The following MRTFA variants were observed in gnomAD, a reference collection of about 807,000 sequenced individuals.
MRTFA encodes myocardin related transcription factor A.
A neutral mutation model predicts 83.5 loss-of-function variants in MRTFA; 20 were observed. That is an observed-to-expected ratio of 0.24 (90% CI 0.17 to 0.35). The LOEUF is 0.35. Among genes scored for constraint, MRTFA ranks in the 10% least tolerant of loss-of-function variants. The pLI is 1.00. For synonymous variants in MRTFA, 659 were observed against 541.2 expected, an observed-to-expected ratio of 1.22 and a Z score of -3.02; for missense variants, 1,200 against 1,224.7, an observed-to-expected ratio of 0.98 and a Z score of 0.30.
At chr22:40,524,806 T>C (rs1489577655) in intron 3 of MRTFA, among the ~76,000 whole-genome samples, 1 of 152,218 alleles carries the variant, frequency 6.6e-6, no homozygotes, top group East Asian at 1.9e-4. Context: ...TTTTTGTGCG[T>C]GTGCGTGTGT....
At chr22:40,462,294 C>A (rs1420464553) in intron 4 of MRTFA, among the ~76,000 whole-genome samples, 1 of 152,122 alleles carries the variant, frequency 6.6e-6, no homozygotes, top group African/African-American at 2.4e-5. Context: ...ATTTATCTTG[C>A]TGCATCAACT....
At chr22:40,476,101 G>A (rs2053991254) in intron 3 of MRTFA, among the ~76,000 whole-genome samples, 1 of 143,250 alleles carries the variant, frequency 7.0e-6, no homozygotes, top group Non-Finnish European at 1.5e-5. Context: ...CTGAGATCGC[G>A]CCACTGCACT....
At chr22:40,498,998 CTTTTA>C (rs1053557776) in intron 3 of MRTFA, among the ~76,000 whole-genome samples, 93 of 152,170 alleles carry the variant, frequency 6.1e-4, no homozygotes, top group African/African-American at 1.9e-3. Flanking sequence ...CCAATCGTCC[CTTTTA>C]TTTTATTATT....
chr22:40,578,996 T>C (rs1372755229), intron 2 of MRTFA, among the ~76,000 whole-genome samples: 1 of 152,080 alleles, frequency 6.6e-6, no homozygotes, highest in Admixed American at 6.6e-5. Context: ...TAATCTCAGC[T>C]ACTTGGGAGG....
chr22:40,424,520 T>A, intron 7 of MRTFA, 139 bp from the exon 8 acceptor site: 2 of 870,456 alleles, frequency 2.3e-6, no homozygotes, highest in Non-Finnish European at 3.5e-6. Flanking sequence ...CCGAGGAGAC[T>A]AGCAGCCAAT....
At chr22:40,500,624 G>C (rs2054450491) in intron 3 of MRTFA, among the ~76,000 whole-genome samples, 1 of 151,846 alleles carries the variant, frequency 6.6e-6, no homozygotes, top group Non-Finnish European at 1.5e-5. Flanking sequence ...TCAAGCATCT[G>C]TTTAACAAAG....
intron 14 of MRTFA, among the ~76,000 whole-genome samples, chr22:40,414,678 G>A (rs1859870204): frequency 6.6e-6 from 1 of 152,242 alleles, no homozygotes; most frequent in African/African-American, 2.4e-5. Context: ...CAAATCCATA[G>A]AGAAAGTGGG....
At chr22:40,431,885 C>A (rs755503278) in intron 5 of MRTFA, among the ~76,000 whole-genome samples, 1 of 152,184 alleles carries the variant, frequency 6.6e-6, no homozygotes, top group Non-Finnish European at 1.5e-5. Context: ...TTCTTCCATG[C>A]AGAAAATAGG....
chr22:40,606,475 T>C (rs1366810147), intron 1 of MRTFA, among the ~76,000 whole-genome samples: 5 of 152,214 alleles, frequency 3.3e-5, no homozygotes, highest in Non-Finnish European at 7.3e-5. Flanking sequence ...TCCACTTTAC[T>C]GATGAGGACA....
At chr22:40,612,939 C>T (rs1602495184) in intron 1 of MRTFA, among the ~76,000 whole-genome samples, 1 of 152,276 alleles carries the variant, frequency 6.6e-6, no homozygotes, top group East Asian at 1.9e-4. Context: ...AGAGCAAGAC[C>T]CTGGCCCAAA....
chr22:40,476,743 C>T (rs553557779), intron 3 of MRTFA, among the ~76,000 whole-genome samples: 1 of 152,106 alleles, frequency 6.6e-6, no homozygotes, highest in East Asian at 1.9e-4. Flanking sequence ...TGAACCACCG[C>T]GCAGCCTAAA....
intron 4 of MRTFA, among the ~76,000 whole-genome samples, chr22:40,437,316 T>C (rs1230382794): frequency 1.3e-5 from 2 of 152,134 alleles, no homozygotes; most frequent in African/African-American, 4.8e-5. Context: ...GCATCACACG[T>C]AACCTTGGCT....
intron 2 of MRTFA, among the ~76,000 whole-genome samples, chr22:40,565,183 T>A (rs2055684777): frequency 6.6e-6 from 1 of 152,180 alleles, no homozygotes; most frequent in Non-Finnish European, 1.5e-5. Flanking sequence ...GTGTGTTAGG[T>A]ATACATGTGA....
At chr22:40,429,309 T>C (rs2053019893) in intron 7 of MRTFA, 3 of 610,958 alleles carry the variant, frequency 4.9e-6, no homozygotes, top group Non-Finnish European at 5.8e-6. Context: ...CTGACATCTA[T>C]CTACTCTGTG....
At chr22:40,636,196 C>G (rs1387152751) in intron 1 of MRTFA, among the ~76,000 whole-genome samples, 2 of 152,214 alleles carry the variant, frequency 1.3e-5, no homozygotes, top group Non-Finnish European at 2.9e-5. Flanking sequence ...CCGTGCCTCC[C>G]CGCCCCGCGC....
intron 1 of MRTFA, among the ~76,000 whole-genome samples, chr22:40,621,415 T>C (rs1450904401): frequency 6.6e-6 from 1 of 152,094 alleles, no homozygotes; most frequent in African/African-American, 2.4e-5. Flanking sequence ...TTAAGAGTAA[T>C]CAAAACCATA....
intron 3 of MRTFA, among the ~76,000 whole-genome samples, chr22:40,550,929 G>A (rs2055435809): frequency 1.4e-5 from 2 of 146,834 alleles, no homozygotes; most frequent in South Asian, 4.2e-4. Flanking sequence ...TCGGCTCACC[G>A]CAACCTCTGC....
intron 14 of MRTFA, among the ~76,000 whole-genome samples, chr22:40,415,716 C>T (rs2052663770): frequency 6.6e-6 from 1 of 152,100 alleles, no homozygotes; most frequent in African/African-American, 2.4e-5. Context: ...TGCCCTACCT[C>T]CTTCTTCCCC....
chr22:40,411,871 G>T lies in MRTFA; in HGVS notation c.2615C>A (p.Pro872Gln). 1 of 1,485,982 alleles carries T rather than the reference G, an allele frequency of 6.7e-7. No individual in the cohort carries two copies. Among genetic ancestry groups the T allele is most frequent in the South Asian group, 1.4e-5 (1 of 69,154 alleles). 92.0% of individuals were successfully genotyped at this position (1,485,982 alleles called of 1,614,324 possible). ...CTTCGGGGATGGCTTCTCCTTCCCTGGCAGGGATGGCGGCTCCTTGAAATC... is the reference window on the plus strand; with the variant it reads ...CTTCGGGGATGGCTTCTCCTTCCCTTGCAGGGATGGCGGCTCCTTGAAATC... The change falls in exon 15 of 15, where the codon CCA becomes CAA. Residue 872 changes from proline (P) to glutamine (Q), a missense_variant. Physicochemically the swap from Pro to Gln is moderately conservative, Grantham distance 76 (BLOSUM62 -1). Transcript: ENST00000355630.
Sources: allele counts gnomAD v4.1 joint callset (sites outside exome capture counted in the v4.1 genomes callset), GRCh38; gene constraint gnomAD v4.1.1; transcripts MANE v1.5; gene names NCBI Gene and HGNC (gene_info 2026-07-23, HGNC 2026-07-21).